Variants in RUVBL2 observed in about 807,000 individuals in gnomAD.
RUVBL2 encodes RuvB like AAA ATPase 2.
Under a neutral mutation model 57.9 loss-of-function variants are expected in RUVBL2, and 9 were observed. That is an observed-to-expected ratio of 0.16 (90% CI 0.09 to 0.27). The LOEUF is 0.27. Among genes scored for constraint, RUVBL2 ranks in the 10% least tolerant of loss-of-function variants. The pLI is 1.00. For synonymous variants in RUVBL2, 278 were observed against 264.6 expected (o/e 1.05, Z -0.49); for missense variants, 456 against 669.6 (o/e 0.68, Z 3.52).
intron 8 of RUVBL2, 156 bp downstream of exon 8, chr19:49,010,222 G>A (rs992369543): frequency 2.3e-5 from 18 of 778,584 alleles, no homozygotes; most frequent in Admixed American, 1.2e-4. Context: ...GGACAGCAGG[G>A]CCCCTCAGCC....
chr19:49,004,515 C>A, intron 4 of RUVBL2, 97 bp downstream of exon 4: 1 of 1,237,500 alleles, frequency 8.1e-7, no homozygotes. Flanking sequence ...AACAGATGAC[C>A]CAAAATGGCA....
chr19:48,999,336 C>T lies in RUVBL2; in HGVS notation c.30C>T (p.Val10=). The T allele has an allele frequency of 1.2e-6, 2 of 1,614,208 alleles. No homozygotes were observed. The highest frequency in any genetic ancestry group is 1.7e-6 in the Non-Finnish European group (2 of 1,180,038). The change falls in exon 2 of 15, where the codon GTC becomes GTT. Residue 10 remains valine, a synonymous_variant. Coordinates refer to ENST00000595090, the MANE Select transcript of RUVBL2 (RefSeq NM_006666.3). ...ACCCCCAGACAGCCACAACCAAAGT[C>T]CCGGAGATCCGTGATGTAACAAGGA... MATVTATTK[V]PEIRDVTRIE...
intron 2 of RUVBL2, among the ~76,000 whole-genome samples, chr19:48,999,892 C>T (rs1009152355): frequency 6.6e-6 from 1 of 152,134 alleles, no homozygotes; most frequent in Non-Finnish European, 1.5e-5. Flanking sequence ...AATCACTGGC[C>T]CCGGCTCACA....
At position 49,010,051 on chromosome 19, in the gene RUVBL2, C is replaced by T. The variant is rs142701081; in HGVS notation, c.648C>T (p.Asp216=). The T allele has an allele frequency of 1.3e-4, 214 of 1,600,290 alleles. 1 individual carries two copies. The East Asian group carries it at 2.5e-3, about 19-fold the overall frequency. ...GRSFTRARDY[D]AMGSQTKFVQ... Reference sequence around the variant, plus strand: ...CCTTCACACGCGCCCGCGACTACGACGCTATGGGCTCCCAGGTGCGGCCGG... The same window carrying T: ...CCTTCACACGCGCCCGCGACTACGATGCTATGGGCTCCCAGGTGCGGCCGG... The change falls in exon 8 of 15, where the codon GAC becomes GAT. Residue 216 remains aspartate, a synonymous_variant. Transcript: ENST00000595090.
chr19:49,015,265 A>G, intron 13 of RUVBL2, 115 bp downstream of exon 13: 2 of 1,413,338 alleles, frequency 1.4e-6, no homozygotes, highest in Non-Finnish European at 1.9e-6. Context: ...GACGCAGGGA[A>G]TTTTCATCCC....
intron 6 of RUVBL2, 51 bp from the exon 7 acceptor site, chr19:49,009,725 C>T (rs1179613494): frequency 6.6e-7 from 1 of 1,507,714 alleles, no homozygotes; most frequent in Non-Finnish European, 9.2e-7. Flanking sequence ...GGCACTGGGG[C>T]AACATCAGGG....
upstream of RUVBL2, chr19:48,993,866 T>C (rs3764617): frequency 0.074 from 119,217 of 1,612,058 alleles, 5,092 homozygotes; most frequent in Admixed American, 0.14. Context: ...ATCTCGCTCC[T>C]CGCGCGTTTC....
At chr19:49,013,447 G>A (rs1039440575) in intron 11 of RUVBL2, among the ~76,000 whole-genome samples, 1 of 151,782 alleles carries the variant, frequency 6.6e-6, no homozygotes, top group Non-Finnish European at 1.5e-5. Flanking sequence ...TGTCCCCTGT[G>A]CACAGTGTTG....
Position 49,014,518 on chromosome 19 carries a change from A to C in RUVBL2, c.1036A>C (p.Ile346Leu). Residue 346 changes from isoleucine (I) to leucine (L), a missense_variant, in exon 12 of 15, where the codon ATC becomes CTC. Physicochemically the swap from Ile to Leu is conservative, Grantham distance 5 (BLOSUM62 2). Transcript: ENST00000595090. Reference sequence around the variant, plus strand: ...CACCAGCTACCAGAGCCCTCACGGCATCCCCATAGACCTGCTGGACCGGCT... The same window carrying C: ...CACCAGCTACCAGAGCCCTCACGGCCTCCCCATAGACCTGCTGGACCGGCT... Reference protein sequence around the residue: ...RGTSYQSPHGIPIDLLDRLLI... With the variant: ...RGTSYQSPHGLPIDLLDRLLI... The C allele has an allele frequency of 6.2e-7, 1 of 1,614,124 alleles. No individual in the cohort carries two copies.
intron 6 of RUVBL2, among the ~76,000 whole-genome samples, chr19:49,009,415 A>G (rs2039358516): frequency 6.6e-6 from 1 of 151,600 alleles, no homozygotes; most frequent in African/African-American, 2.4e-5. Flanking sequence ...TGAACCCGGG[A>G]GGCAGAGCTT....
At chr19:49,004,198 T>G (rs1568635650) in intron 3 of RUVBL2, 79 bp from the exon 4 acceptor site, 2 of 1,448,120 alleles carry the variant, frequency 1.4e-6, no homozygotes, top group Non-Finnish European at 9.3e-7. Flanking sequence ...TCTGCTTCCA[T>G]CTCACTAGCT....
At chr19:49,015,498 G>C (rs553588211) in intron 13 of RUVBL2, 74 bp from the exon 14 acceptor site, 1 of 1,119,362 alleles carries the variant, frequency 8.9e-7, no homozygotes, top group African/African-American at 1.5e-5. Flanking sequence ...GAGCATGGAG[G>C]TGGCATACGC....
In RUVBL2 at chr19:48,996,838, T is replaced by A. The variant is rs181900669; in HGVS notation, c.13-2481T>A. Among the ~76,000 whole-genome samples the A allele has an allele frequency of 7.6e-3, 1,150 of 152,138 alleles. 14 individuals are homozygous for A. Among genetic ancestry groups the A allele is most frequent in the African/African-American group, 0.025 (1,027 of 41,498 alleles). ...CACCGTGCCTGACCTAATTTTTGTA[T>A]TTTTAGTAGAGACAGGGTTTCACCA... is the stretch of plus-strand genomic sequence containing the variant. On this transcript the variant is annotated intron_variant, in intron 1 of 14. Transcript: ENST00000595090.
chr19:49,015,398 G>A (rs2039525835), intron 13 of RUVBL2, 174 bp from the exon 14 acceptor site: 2 of 710,910 alleles, frequency 2.8e-6, no homozygotes, highest in Non-Finnish European at 4.7e-6. Flanking sequence ...AAGAGGCTGG[G>A]CCCACAACAA....
chr19:49,009,865 G>A lies in RUVBL2; in HGVS notation c.552G>A (p.Lys184=), dbSNP rs1268436711. Reference sequence around the variant, plus strand: ...CCAAGATGATTGAGTCCCTGACCAAGGACAAGGTCCAGGCCGGGTGAGCAG... The same window carrying A: ...CCAAGATGATTGAGTCCCTGACCAAAGACAAGGTCCAGGCCGGGTGAGCAG... ...LGTKMIESLT[K]DKVQAGDVIT... is the part of the protein sequence containing the mutation. The change falls in exon 7 of 15, where the codon AAG becomes AAA. Residue 184 remains lysine (K), a synonymous_variant. Coordinates refer to ENST00000595090, the MANE Select transcript of RUVBL2 (RefSeq NM_006666.3). The A allele has an allele frequency of 3.1e-6, 5 of 1,613,974 alleles. No individual in the cohort carries two copies. In the African/African-American group the frequency reaches 4.0e-5, roughly 13 times the overall value.
rs1345176017 is a variant in RUVBL2 at position 48,999,493 on chromosome 19, C to A, written c.67+120C>A. On this transcript the variant is annotated intron_variant, in intron 2 of 14. Transcript: ENST00000595090. ...GTGGCCTGCACACCAACTGTGCCCC[C>A]ACTACCATTCCCCCACTCGCCCTAT... The A allele has an allele frequency of 3.1e-6, 3 of 983,078 alleles. No homozygotes were observed. The African/African-American group carries it at 4.8e-5, about 16-fold the overall frequency. The allele number at this position is 983,078 out of a possible 1,614,324, so 60.9% of individuals were successfully genotyped here. A position where few individuals can be genotyped will look rare whatever the true frequency, so the allele number is the denominator to read the frequency against.
At chr19:49,012,722 C>T (rs10411015) in intron 11 of RUVBL2, among the ~76,000 whole-genome samples, 74,367 of 152,150 alleles carry the variant, frequency 0.49, 18,576 homozygotes, top group Admixed American at 0.59. Context: ...AAATAAGTGT[C>T]CTTGTTGTAT....
At chr19:48,997,603 T>G (rs751719160) in intron 1 of RUVBL2, among the ~76,000 whole-genome samples, 15 of 143,670 alleles carry the variant, frequency 1.0e-4, no homozygotes, top group Non-Finnish European at 1.8e-4. Flanking sequence ...CACTCCAGCC[T>G]AGGTGACAGA....
At chr19:48,999,423 C>T (rs1427755157) in intron 2 of RUVBL2, 50 bp downstream of exon 2, 4 of 1,594,370 alleles carry the variant, frequency 2.5e-6, no homozygotes, top group Non-Finnish European at 3.4e-6. Flanking sequence ...TGCCATGTGC[C>T]CTGACAGAGC....
Sources: gnomAD v4.1 joint callset for allele counts (sites outside exome capture counted in the v4.1 genomes callset) on GRCh38, gnomAD v4.1.1 for gene constraint, MANE v1.5 for transcripts, NCBI Gene and HGNC (gene_info 2026-07-23, HGNC 2026-07-21) for gene names.